FRAS1: variants seen among roughly 807,000 people sequenced by gnomAD.
FRAS1 encodes Fraser extracellular matrix complex subunit 1.
Under a neutral mutation model 435.2 loss-of-function variants are expected in FRAS1, and 290 were observed. The observed-to-expected ratio is 0.67, with a 90% confidence interval of 0.61 to 0.73. The LOEUF (loss-of-function observed/expected upper bound fraction) is 0.73, where lower values mean the gene tolerates loss of function less well. FRAS1 is among the 30% of genes least tolerant of loss of function. The pLI, the probability that FRAS1 is intolerant of heterozygous loss-of-function variation, is 0.00. For synonymous variants in FRAS1, 1,800 were observed against 1,851.0 expected, an observed-to-expected ratio of 0.97 and a Z score of 0.71; for missense variants, 4,860 against 5,001.5, an observed-to-expected ratio of 0.97 and a Z score of 0.85.
rs191961697 is a variant in FRAS1 at position 78,502,348 on chromosome 4, T to C, written c.9316+2427T>C. ...TCACGATATTGATTCTTCCTCTCCG[T>C]AAGCGTGGAATGTTCTTCCATTTGT... is the stretch of plus-strand genomic sequence containing the variant. On this transcript the variant is annotated intron_variant, in intron 61 of 73. Coordinates refer to ENST00000512123, the MANE Select transcript of FRAS1 (RefSeq NM_025074.7). Among the ~76,000 whole-genome samples the C allele has an allele frequency of 8.0e-4, 122 of 152,346 alleles. 1 individual carries two copies. The highest frequency in any genetic ancestry group is 2.0e-3 in the Admixed American group (30 of 15,304).
At chr4:78,457,332 C>T (rs976664961) in intron 47 of FRAS1, among the ~76,000 whole-genome samples, 16 of 152,148 alleles carry the variant, frequency 1.1e-4, no homozygotes, top group African/African-American at 3.9e-4. Context: ...GGGGCAGTGG[C>T]AGGGGGTACC....
intron 72 of FRAS1, 78 bp from the exon 73 acceptor site, chr4:78,539,216 T>C: frequency 7.0e-7 from 1 of 1,422,690 alleles, no homozygotes; most frequent in Non-Finnish European, 9.6e-7. Flanking sequence ...AGTACTTTTC[T>C]CCTCCCAGTC....
At chr4:78,258,445 T>C (rs1310431263) in intron 6 of FRAS1, among the ~76,000 whole-genome samples, 2 of 151,392 alleles carry the variant, frequency 1.3e-5, no homozygotes, top group African/African-American at 4.8e-5. Context: ...TGAAAGACAA[T>C]TGGGGGTATC....
chr4:78,151,739 A>C (rs575189138), intron 2 of FRAS1, among the ~76,000 whole-genome samples: 1 of 152,216 alleles, frequency 6.6e-6, no homozygotes, highest in Non-Finnish European at 1.5e-5. Context: ...TTACAAAAGA[A>C]AAAGCATTCG....
intron 27 of FRAS1, among the ~76,000 whole-genome samples, chr4:78,383,288 G>A (rs1434609502): frequency 1.3e-5 from 2 of 152,174 alleles, no homozygotes; most frequent in African/African-American, 2.4e-5. Context: ...GGCACCAAGG[G>A]CAATTGTGCT....
chr4:78,091,395 G>A (rs1274466427), intron 2 of FRAS1, among the ~76,000 whole-genome samples: 1 of 151,958 alleles, frequency 6.6e-6, no homozygotes, highest in Non-Finnish European at 1.5e-5. Flanking sequence ...TAGTTAATAG[G>A]AGATTCTCAT....
chr4:78,137,019 C>G (rs1719947113), intron 2 of FRAS1, among the ~76,000 whole-genome samples: 1 of 152,204 alleles, frequency 6.6e-6, no homozygotes, highest in Admixed American at 6.5e-5. Context: ...GGCACTGCAC[C>G]ATCTGAAACA....
chr4:78,085,852 A>C (rs1039322635), intron 2 of FRAS1, among the ~76,000 whole-genome samples: 34 of 152,202 alleles, frequency 2.2e-4, no homozygotes, highest in Non-Finnish European at 3.4e-4. Flanking sequence ...CACTGTCAAC[A>C]TTAGACAGAT....
intron 10 of FRAS1, among the ~76,000 whole-genome samples, chr4:78,280,654 A>G (rs1727289830): frequency 6.7e-6 from 1 of 150,054 alleles, no homozygotes; most frequent in Non-Finnish European, 1.5e-5. Flanking sequence ...CTGGGGAGGC[A>G]GTATTGTGTA....
chr4:78,398,989 A>C (rs1381037111), intron 29 of FRAS1, among the ~76,000 whole-genome samples: 2 of 152,226 alleles, frequency 1.3e-5, no homozygotes, highest in African/African-American at 4.8e-5. Context: ...GTCTCAAAAA[A>C]AAAACCTGGG....
intron 41 of FRAS1, among the ~76,000 whole-genome samples, chr4:78,444,815 C>G (rs1718740298): frequency 6.6e-6 from 1 of 152,092 alleles, no homozygotes; most frequent in Admixed American, 6.6e-5. Context: ...CATCTCGGTA[C>G]CTGAATGGTG....
At chr4:78,274,989 T>A (rs1726920095) in intron 9 of FRAS1, among the ~76,000 whole-genome samples, 1 of 152,224 alleles carries the variant, frequency 6.6e-6, no homozygotes, top group South Asian at 2.1e-4. Flanking sequence ...TTTATGAATC[T>A]GGGTGCTCCT....
chr4:78,278,203 G>A (rs1727156844), intron 9 of FRAS1, among the ~76,000 whole-genome samples: 1 of 152,180 alleles, frequency 6.6e-6, no homozygotes, highest in Admixed American at 6.5e-5. Flanking sequence ...TTATGCTTAA[G>A]ACTACATCTG....
intron 2 of FRAS1, among the ~76,000 whole-genome samples, chr4:78,174,384 A>C (rs562796847): frequency 1.2e-4 from 18 of 152,298 alleles, no homozygotes; most frequent in Middle Eastern, 3.4e-3. Context: ...TTGAATATAC[A>C]AGAGGATTAT....
Position 78,248,256 on chromosome 4 carries a change from T to A in FRAS1, c.309+2931T>A, listed in dbSNP as rs146254965. On this transcript the variant is annotated intron_variant, in intron 4 of 73. Coordinates refer to ENST00000512123, the MANE Select transcript of FRAS1 (RefSeq NM_025074.7). ...CGCAAAGCTATACTTTGAAATTAAC[T>A]TTTGGATTTGTGCCTCGCCATGCCA... Among the ~76,000 whole-genome samples, 12 of 152,362 alleles carry A rather than the reference T, an allele frequency of 7.9e-5. No homozygotes were observed. The East Asian group carries it at 2.1e-3, about 27-fold the overall frequency.
At chr4:78,398,119 A>G (rs1732746800) in intron 29 of FRAS1, among the ~76,000 whole-genome samples, 1 of 152,058 alleles carries the variant, frequency 6.6e-6, no homozygotes, top group African/African-American at 2.4e-5. Flanking sequence ...CTTATGTCCA[A>G]GAATTATACT....
At chr4:78,368,925 A>G in intron 22 of FRAS1, among the ~76,000 whole-genome samples, 1 of 152,204 alleles carries the variant, frequency 6.6e-6, no homozygotes, top group East Asian at 1.9e-4. Flanking sequence ...TTGAAAAATG[A>G]CATTGAGTTT....
intron 33 of FRAS1, 132 bp from the exon 34 acceptor site, chr4:78,421,731 G>A: frequency 4.0e-6 from 4 of 1,011,936 alleles, no homozygotes; most frequent in Middle Eastern, 2.3e-4. Flanking sequence ...CATACCAAGA[G>A]CAACCTGAGA....
At position 78,379,776 on chromosome 4, in the gene FRAS1, A is replaced by G; in HGVS notation, c.3343A>G (p.Ile1115Val). 1 of 1,613,716 alleles carries G rather than the reference A, an allele frequency of 6.2e-7. No individual in the cohort carries two copies. The highest frequency in any genetic ancestry group is 2.2e-5 in the East Asian group (1 of 44,878). ...TGTGAATGGTTCCCTGATCCTCCCAATTGGTTCAATAAAGCCACTGGATTT... is the reference window on the plus strand; with the variant it reads ...TGTGAATGGTTCCCTGATCCTCCCAGTTGGTTCAATAAAGCCACTGGATTT... ...LHVNGSLILP[I>V]GSIKPLDFSL... Residue 1115 changes from isoleucine (I) to valine (V), a missense_variant, in exon 27 of 74, where the codon ATT (isoleucine) becomes GTT (valine). Transcript: ENST00000512123.
Sources: allele counts gnomAD v4.1 joint callset (sites outside exome capture counted in the v4.1 genomes callset), GRCh38; gene constraint gnomAD v4.1.1; transcripts MANE v1.5; gene names NCBI Gene and HGNC (gene_info 2026-07-23, HGNC 2026-07-21).